STARD8: variants seen among roughly 807,000 people sequenced by gnomAD.
STARD8 encodes StAR related lipid transfer domain containing 8, also known as stAR-related lipid transfer protein 8.
A neutral mutation model predicts 69.4 loss-of-function variants in STARD8; 25 were observed. The observed-to-expected ratio is 0.36, with a 90% CI of 0.26 to 0.50. The LOEUF is 0.50. Ranked by LOEUF, STARD8 falls within the 20% of genes least tolerant of loss-of-function variation. The pLI, the probability that STARD8 is intolerant of heterozygous loss-of-function variation, is 0.96. For missense variants in STARD8, 921 were observed against 932.5 expected (o/e 0.99, Z 0.16); for synonymous variants, 389 against 374.6 (o/e 1.04, Z -0.45).
intron 3 of STARD8, among the ~76,000 whole-genome samples, chrX:68,713,297 C>T (rs1478129177): frequency 4.4e-5 from 5 of 112,579 alleles, no homozygotes; most frequent in East Asian, 2.8e-4. Context: ...TGAAGAATGC[C>T]GCCTGGAGTT....
At chrX:68,693,236 T>C (rs2079889914) in intron 2 of STARD8, among the ~76,000 whole-genome samples, 1 of 112,816 alleles carries the variant, frequency 8.9e-6, no homozygotes, top group South Asian at 3.6e-4. Flanking sequence ...CCTAATTATC[T>C]GGTTTTCCCC....
At chrX:68,712,744 A>G (rs1011104987) in intron 2 of STARD8, among the ~76,000 whole-genome samples, 170 bp from the exon 3 acceptor site, 2 of 112,034 alleles carry the variant, frequency 1.8e-5, no homozygotes, top group Non-Finnish European at 3.8e-5. Flanking sequence ...CTGGCTGGCT[A>G]TGACTTGGAG....
chrX:68,694,731 T>C (rs2079905911), intron 2 of STARD8, among the ~76,000 whole-genome samples: 1 of 111,553 alleles, frequency 9.0e-6, no homozygotes, highest in African/African-American at 3.3e-5. Context: ...GGTAAAAGGT[T>C]GTCTCTGAGA....
Position 68,717,909 on chromosome X carries a change from C to T in STARD8, c.995C>T (p.Pro332Leu). Residue 332 changes from proline to leucine, a missense_variant, in exon 6 of 15, where the codon CCA becomes CTA. Transcript: ENST00000374599. ...GGACACCGCCTGGCAGACTGGCAGCCAGGTAGGCGGTGGGGCTGTGAGGGG... is the reference window on the plus strand; with the variant it reads ...GGACACCGCCTGGCAGACTGGCAGCTAGGTAGGCGGTGGGGCTGTGAGGGG... Reference protein sequence around the residue: ...EDGHRLADWQPGRRWGCEGRR... With the variant: ...EDGHRLADWQLGRRWGCEGRR... 1 of 1,208,512 alleles carries T rather than the reference C, an allele frequency of 8.3e-7. No individual in the cohort carries two copies. Among genetic ancestry groups the T allele is most frequent in the Non-Finnish European group, 1.1e-6 (1 of 893,919 alleles).
At position 68,698,233 on chromosome X, in the gene STARD8, G is replaced by A. The variant is rs144799916; in HGVS notation, c.80-14681G>A. Among the ~76,000 whole-genome samples, 657 of 111,420 alleles carry A rather than the reference G, an allele frequency of 5.9e-3. 7 individuals carry two copies. The highest frequency in any genetic ancestry group is 0.021 in the African/African-American group (633 of 30,646). On this transcript the variant is annotated intron_variant, in intron 2 of 14. Coordinates refer to ENST00000374599, the MANE Select transcript of STARD8 (RefSeq NM_001142503.3). Reference sequence around the variant, plus strand: ...CTTGGATGGTATTGAGAAGGGGAGCGGAGTGAATTGATGGGGATTTGGATG... The same window carrying A: ...CTTGGATGGTATTGAGAAGGGGAGCAGAGTGAATTGATGGGGATTTGGATG...
chrX:68,675,591 T>C (rs1288550654), intron 2 of STARD8, among the ~76,000 whole-genome samples: 2 of 108,603 alleles, frequency 1.8e-5, no homozygotes, highest in Admixed American at 2.0e-4. Context: ...AGATGTTTTC[T>C]CCAGCCAGAA....
intron 1 of STARD8, among the ~76,000 whole-genome samples, chrX:68,650,782 C>CA (rs765155619): frequency 7.9e-5 from 7 of 88,698 alleles, no homozygotes; most frequent in African/African-American, 2.8e-4. Context: ...GGCTATGTCT[C>CA]AAACAAAACA....
intron 2 of STARD8, among the ~76,000 whole-genome samples, chrX:68,675,788 G>A (rs1342236335): frequency 9.0e-6 from 1 of 110,841 alleles, no homozygotes; most frequent in Non-Finnish European, 1.9e-5. Flanking sequence ...ATACACTTCA[G>A]GTCTCCAAAG....
chrX:68,656,788 C>T (rs2079613631), intron 1 of STARD8, among the ~76,000 whole-genome samples: 1 of 110,582 alleles, frequency 9.0e-6, no homozygotes, highest in South Asian at 3.9e-4. Context: ...TGTTCTCACT[C>T]ATGGGTGGGA....
In STARD8 at chrX:68,724,474, G is replaced by T; in HGVS notation, c.*52G>T. On this transcript the variant is annotated 3_prime_UTR_variant, in exon 15 of 15. Transcript: ENST00000374599. ...CACCCAGGCCCCCTGGGCACCAAGG[G>T]AGCGAGGGGGAATAAGAGCAGGGCA... 1.9e-6 allele frequency: 2 copies of T among 1,055,369 alleles called. No homozygotes were observed. Among genetic ancestry groups the T allele is most frequent in the Non-Finnish European group, 2.6e-6 (2 of 767,439 alleles). The allele number at this position is 1,055,369 out of a possible 1,213,427, so 87.0% of individuals were successfully genotyped here. A position where few individuals can be genotyped will look rare whatever the true frequency, so the allele number is the denominator to read the frequency against.
intron 3 of STARD8, among the ~76,000 whole-genome samples, chrX:68,713,849 A>G (rs1199974562): frequency 1.8e-5 from 2 of 111,502 alleles, no homozygotes; most frequent in Non-Finnish European, 3.8e-5. Context: ...TGCCAATTCA[A>G]TCTCTCTACT....
intron 2 of STARD8, chrX:68,693,612 C>G (rs2079893892): frequency 1.1e-5 from 8 of 753,265 alleles, no homozygotes; most frequent in Non-Finnish European, 1.3e-5. Flanking sequence ...CCCTACAGCC[C>G]TACTCGCCGA....
At chrX:68,703,067 T>C (rs958209718) in intron 2 of STARD8, among the ~76,000 whole-genome samples, 5 of 110,848 alleles carry the variant, frequency 4.5e-5, no homozygotes, top group African/African-American at 1.6e-4. Context: ...GCCTGGGCAA[T>C]ATAGGGAGAC....
rs775555373 is a variant in STARD8, at chrX:68,717,875, C to T, written c.961C>T (p.Pro321Ser). 3 of 1,208,231 alleles carry T rather than the reference C, an allele frequency of 2.5e-6. No individual in the cohort carries two copies. Among genetic ancestry groups the T allele is most frequent in the Non-Finnish European group, 3.4e-6 (3 of 894,196 alleles). ...CTCCCTGTCCATTGAGAGCCTGTGT[C>T]CTGAGGATGGACACCGCCTGGCAGA... ...PRSLSIESLC[P>S]EDGHRLADWQ... Residue 321 changes from proline (P) to serine (S), a missense_variant, in exon 6 of 15, where the codon CCT becomes TCT. Physicochemically the swap from Pro to Ser is moderately conservative, Grantham distance 74. Coordinates refer to ENST00000374599, the MANE Select transcript of STARD8 (RefSeq NM_001142503.3).
intron 2 of STARD8, among the ~76,000 whole-genome samples, chrX:68,694,101 C>T (rs1321633127): frequency 4.4e-5 from 5 of 113,031 alleles, no homozygotes; most frequent in African/African-American, 1.6e-4. Flanking sequence ...GGCAGCTGTC[C>T]GCCTGTTACC....
At chrX:68,690,436 C>A (rs4844198) in intron 2 of STARD8, among the ~76,000 whole-genome samples, 2 of 101,624 alleles carry the variant, frequency 2.0e-5, no homozygotes, top group Non-Finnish European at 3.9e-5. Flanking sequence ...GCAGGCAGGG[C>A]GGGGGGACTG....
chrX:68,669,799 A>T (rs1306676175), intron 2 of STARD8, among the ~76,000 whole-genome samples: 1 of 112,450 alleles, frequency 8.9e-6, no homozygotes, highest in Non-Finnish European at 1.9e-5. Flanking sequence ...TAGAAAATGG[A>T]AACAAATACA....
intron 2 of STARD8, among the ~76,000 whole-genome samples, chrX:68,698,977 T>C (rs1254106522): frequency 2.7e-5 from 3 of 112,143 alleles, no homozygotes; most frequent in Non-Finnish European, 5.6e-5. Context: ...GCTGGGTCAG[T>C]TGGAGCTGGC....
rs1236924311 is a variant in STARD8, at chrX:68,717,897, C to T, written c.983C>T (p.Ala328Val). 8.3e-7 allele frequency: 1 copy of T among 1,208,259 alleles called. No individual in the cohort carries two copies. The highest frequency in any genetic ancestry group is 1.1e-6 in the Non-Finnish European group (1 of 893,798). ...SLCPEDGHRL[A>V]DWQPGRRWGC... is the part of the protein sequence containing the mutation. ...TGTCCTGAGGATGGACACCGCCTGG[C>T]AGACTGGCAGCCAGGTAGGCGGTGG... The change falls in exon 6 of 15, where the codon GCA (alanine) becomes GTA (valine). Residue 328 changes from alanine to valine, a missense_variant. Transcript: ENST00000374599.
Sources: allele counts gnomAD v4.1 joint callset (sites outside exome capture counted in the v4.1 genomes callset), GRCh38; gene constraint gnomAD v4.1.1; transcripts MANE v1.5; gene names NCBI Gene and HGNC (gene_info 2026-07-23, HGNC 2026-07-21).